The following OR1J2 variants were observed in gnomAD, a reference collection of about 807,000 sequenced individuals.
OR1J2 encodes the protein olfactory receptor 1J2.
For missense variants in OR1J2, 304 were observed against 246.1 expected (o/e 1.24, Z -1.57); for synonymous variants, 142 against 99.7 (o/e 1.42, Z -2.52).
the OR1J2 span, among the ~76,000 whole-genome samples, chr9:122,517,640 A>G: frequency 1.3e-5 from 2 of 152,154 alleles, no homozygotes; most frequent in Non-Finnish European, 2.9e-5. Flanking sequence ...TTCAATTAAG[A>G]CACAGTGGCA....
downstream of OR1J2, among the ~76,000 whole-genome samples, chr9:122,512,107 G>A (rs1031995289): frequency 6.6e-6 from 1 of 152,002 alleles, no homozygotes; most frequent in African/African-American, 2.4e-5. Flanking sequence ...AGAATTAGCT[G>A]TATTATTTTA....
At chr9:122,525,136 C>T in the OR1J2 span, among the ~76,000 whole-genome samples, 1 of 152,188 alleles carries the variant, frequency 6.6e-6, no homozygotes, top group African/African-American at 2.4e-5. Flanking sequence ...CATTCAAGGA[C>T]TCTCTGAGGG....
the OR1J2 span, among the ~76,000 whole-genome samples, chr9:122,460,463 G>A: frequency 6.6e-6 from 1 of 152,006 alleles, no homozygotes; most frequent in African/African-American, 2.4e-5. Flanking sequence ...TTGTTTCCTT[G>A]GTCTATATGC....
chr9:122,547,374 A>G, the OR1J2 span, among the ~76,000 whole-genome samples: 5 of 152,190 alleles, frequency 3.3e-5, no homozygotes, highest in Admixed American at 2.0e-4. Context: ...TATTTGTTAT[A>G]TACTGTTTAT....
chr9:122,567,594 T>C, the OR1J2 span: 4 of 1,608,362 alleles, frequency 2.5e-6, no homozygotes, highest in Non-Finnish European at 3.4e-6. Context: ...TTTCAGGTCT[T>C]TGTTTCTCAG....
chr9:122,461,730 G>A, the OR1J2 span, among the ~76,000 whole-genome samples: 3 of 152,086 alleles, frequency 2.0e-5, no homozygotes, highest in African/African-American at 7.2e-5. Flanking sequence ...TGGTTTTGAG[G>A]ATTTCTTTTG....
the OR1J2 span, chr9:122,553,251 G>A: frequency 6.2e-7 from 1 of 1,613,888 alleles, no homozygotes; most frequent in Non-Finnish European, 8.5e-7. Flanking sequence ...CACTGTTTCA[G>A]ACTTCCTCCT....
At chr9:122,496,329 G>A in the OR1J2 span, among the ~76,000 whole-genome samples, 1 of 152,244 alleles carries the variant, frequency 6.6e-6, no homozygotes, top group East Asian at 1.9e-4. Context: ...TACAGGGTGG[G>A]TTGAGAAAGA....
At chr9:122,539,882 T>G in the OR1J2 span, among the ~76,000 whole-genome samples, 1 of 152,186 alleles carries the variant, frequency 6.6e-6, no homozygotes, top group African/African-American at 2.4e-5. Flanking sequence ...TGAGCATTTT[T>G]TCATGTGTCT....
At chr9:122,526,335 A>G in the OR1J2 span, 2 of 1,406,868 alleles carry the variant, frequency 1.4e-6, no homozygotes, top group South Asian at 1.7e-5. Context: ...ATGTCTTTTC[A>G]TTAAATGTTG....
At chr9:122,561,901 C>T in the OR1J2 span, among the ~76,000 whole-genome samples, 11 of 152,184 alleles carry the variant, frequency 7.2e-5, no homozygotes, top group African/African-American at 2.4e-4. Context: ...GAAACTTACT[C>T]ATCTGGGCTG....
chr9:122,558,291 A>G, the OR1J2 span, among the ~76,000 whole-genome samples: 4 of 75,128 alleles, frequency 5.3e-5, no homozygotes, highest in Non-Finnish European at 1.1e-4. Context: ...GGAAGCTTAG[A>G]TTATTTATTT....
the OR1J2 span, among the ~76,000 whole-genome samples, chr9:122,500,596 G>T: frequency 6.6e-6 from 1 of 152,178 alleles, no homozygotes; most frequent in Non-Finnish European, 1.5e-5. Flanking sequence ...GAGAAAAGAT[G>T]ACTAAACTGC....
the OR1J2 span, among the ~76,000 whole-genome samples, chr9:122,498,619 C>A: frequency 5.4e-3 from 826 of 152,220 alleles, 3 homozygotes; most frequent in African/African-American, 0.019. Flanking sequence ...AATATTTTAT[C>A]TGTCATTTCT....
At chr9:122,464,089 A>T in the OR1J2 span, among the ~76,000 whole-genome samples, 1 of 152,202 alleles carries the variant, frequency 6.6e-6, no homozygotes, top group East Asian at 1.9e-4. Context: ...GTCTGAGCTC[A>T]GGCTCGCCTT....
the OR1J2 span, among the ~76,000 whole-genome samples, chr9:122,540,155 A>G: frequency 2.0e-5 from 3 of 151,436 alleles, no homozygotes; most frequent in African/African-American, 4.8e-5. Context: ...TTTTGTTGCC[A>G]TTGCTTTTGG....
chr9:122,573,846 A>C, the OR1J2 span, among the ~76,000 whole-genome samples: 1 of 152,142 alleles, frequency 6.6e-6, no homozygotes, highest in Non-Finnish European at 1.5e-5. Context: ...ATTTTCTCTT[A>C]TGTTATCCTC....
At chr9:122,545,485 G>A in the OR1J2 span, among the ~76,000 whole-genome samples, 1 of 152,110 alleles carries the variant, frequency 6.6e-6, no homozygotes, top group African/African-American at 2.4e-5. Context: ...TGATGCATGT[G>A]TTTTGAAACT....
At chr9:122,476,682 G>A in the OR1J2 span, among the ~76,000 whole-genome samples, 874 of 151,012 alleles carry the variant, frequency 5.8e-3, 1 homozygote, top group African/African-American at 0.02. Context: ...TAGAATAATG[G>A]TTTTTTTTTA....
Sources: allele counts gnomAD v4.1 joint callset (sites outside exome capture counted in the v4.1 genomes callset), GRCh38; gene constraint gnomAD v4.1.1; transcripts MANE v1.5; gene names NCBI Gene and HGNC (gene_info 2026-07-23, HGNC 2026-07-21).